Variants in ANPEP observed in about 807,000 individuals in gnomAD.
ANPEP encodes the protein alanyl aminopeptidase, membrane.
ANPEP carries 70 observed loss-of-function variants against 114.6 expected under a neutral mutation model. That is an observed-to-expected ratio of 0.61 (90% CI 0.50 to 0.75). The LOEUF (loss-of-function observed/expected upper bound fraction) is 0.75, where lower values mean the gene tolerates loss of function less well. ANPEP is among the 30% of genes least tolerant of loss of function. The pLI is 0.00. For synonymous variants in ANPEP, 548 were observed against 522.3 expected (o/e 1.05, Z -0.67); for missense variants, 1,184 against 1,259.5 (o/e 0.94, Z 0.91).
intron 10 of ANPEP, among the ~76,000 whole-genome samples, chr15:89,802,984 G>A (rs1477989610): frequency 2.6e-5 from 4 of 152,186 alleles, no homozygotes; most frequent in East Asian, 1.9e-4. Flanking sequence ...GGGCTCTACA[G>A]CTCCCATCAA....
intron 15 of ANPEP, 118 bp from the exon 16 acceptor site, chr15:89,793,244 A>G: frequency 1.3e-6 from 1 of 797,520 alleles, no homozygotes; most frequent in Admixed American, 2.3e-5. Flanking sequence ...TCAGGGCCTC[A>G]CCTGAGGCCA....
rs781512897 is a variant in ANPEP, at chr15:89,793,055, G to A, written c.2229C>T (p.Ile743=). The A allele has an allele frequency of 2.7e-5, 43 of 1,614,150 alleles. No individual in the cohort carries two copies. The Middle Eastern group carries it at 9.9e-4, about 37-fold the overall frequency. ...FRNNTNNWRE[I]PENLMDQYSE... Reference sequence around the variant, plus strand: ...CTCACTGGTCCATCAGGTTTTCTGGGATCTCCCTCCAGTTGTTGGTATTAT... The same window carrying A: ...CTCACTGGTCCATCAGGTTTTCTGGAATCTCCCTCCAGTTGTTGGTATTAT... The change falls in exon 16 of 21, where the codon ATC becomes ATT. Residue 743 remains isoleucine (I), a synonymous_variant. Coordinates refer to ENST00000300060, the MANE Select transcript of ANPEP (RefSeq NM_001150.3).
At position 89,797,584 on chromosome 15, in the gene ANPEP, G is replaced by A. The variant is rs1968753421; in HGVS notation, c.2148C>T (p.Gly716=). The change falls in exon 15 of 21, where the codon GGC becomes GGT. Residue 716 remains glycine, a synonymous_variant. Transcript: ENST00000300060. ...CCATGCACCTCCGTACCTTCATGGG[G>A]CCATAGACCTCGGAGCGGTCAAACA... ...KLMFDRSEVY[G]PMKNYLKKQV... 1 of 1,613,698 alleles carries A rather than the reference G, an allele frequency of 6.2e-7. No homozygotes were observed.
intron 15 of ANPEP, 29 bp from the exon 16 acceptor site, chr15:89,793,155 A>G: frequency 6.3e-7 from 1 of 1,581,960 alleles, no homozygotes; most frequent in African/African-American, 1.3e-5. Flanking sequence ...GAATCTCATC[A>G]AAGACTCATG....
chr15:89,788,772 T>C (rs1406934697), intron 20 of ANPEP, among the ~76,000 whole-genome samples: 4 of 147,114 alleles, frequency 2.7e-5, no homozygotes, highest in African/African-American at 1.0e-4. Flanking sequence ...AGCTTATTTA[T>C]TTATTTATTT....
At chr15:89,785,608 A>C in intron 20 of ANPEP, 107 bp from the exon 21 acceptor site, 2 of 1,479,504 alleles carry the variant, frequency 1.4e-6, no homozygotes, top group South Asian at 2.5e-5. Flanking sequence ...GTCCCCATGG[A>C]TGGGACCACA....
intron 1 of ANPEP, among the ~76,000 whole-genome samples, chr15:89,812,212 G>A (rs943239299): frequency 1.3e-5 from 2 of 152,340 alleles, no homozygotes; most frequent in East Asian, 3.9e-4. Flanking sequence ...CTCCATCCCC[G>A]ACCACTGGGT....
intron 12 of ANPEP, 53 bp downstream of exon 12, chr15:89,801,058 G>A: frequency 6.5e-7 from 1 of 1,527,384 alleles, no homozygotes; most frequent in Non-Finnish European, 9.1e-7. Context: ...ACATGGGCCA[G>A]GAGCTAGGAG....
At chr15:89,813,805 G>C (rs951236556) in intron 1 of ANPEP, among the ~76,000 whole-genome samples, 14 of 152,210 alleles carry the variant, frequency 9.2e-5, no homozygotes, top group Admixed American at 2.0e-4. Context: ...AGTAAGGCCA[G>C]GGCGTTTAGA....
intron 4 of ANPEP, 194 bp from the exon 5 acceptor site, chr15:89,804,811 G>T: frequency 1.2e-6 from 1 of 866,050 alleles, no homozygotes; most frequent in Non-Finnish European, 1.7e-6. Flanking sequence ...CTAGAGAAGG[G>T]CCTTTGGAGA....
chr15:89,792,680 T>C lies in ANPEP; in HGVS notation c.2250-118A>G, dbSNP rs1968655178. The C allele has an allele frequency of 3.5e-6, 3 of 868,870 alleles. No individual in the cohort carries two copies. In the Admixed American group the frequency reaches 6.3e-5, roughly 18 times the overall value. The allele number at this position is 868,870 out of a possible 1,614,324, so 53.8% of individuals were successfully genotyped here. On this transcript the variant is annotated intron_variant, in intron 16 of 20. Coordinates refer to ENST00000300060, the MANE Select transcript of ANPEP (RefSeq NM_001150.3). ...AGGCTCTGTGGCCTAACTGGCCCTC[T>C]GACCCCCGCTGTATGTGCTTTGTGC...
chr15:89,799,173 A>G lies in ANPEP; in HGVS notation c.2009+87T>C. The stretch of plus-strand genomic sequence containing the variant: ...ACAGCACGTGGCATATGGGAAGGGC[A>G]GCAGGAGGAGCAGGGGCCCTCATTG... On this transcript the variant is annotated intron_variant, in intron 14 of 20. Coordinates refer to ENST00000300060, the MANE Select transcript of ANPEP (RefSeq NM_001150.3). This position sits in a 1 kb window ranked among gnomAD's most constrained non-coding sequence, Gnocchi z 4.2. 1 of 1,495,134 alleles carries G rather than the reference A, an allele frequency of 6.7e-7. No homozygotes were observed. Among genetic ancestry groups the G allele is most frequent in the Non-Finnish European group, 9.3e-7 (1 of 1,075,676 alleles). 92.6% of individuals were successfully genotyped at this position (1,495,134 alleles called of 1,614,324 possible). A position where few individuals can be genotyped will look rare whatever the true frequency, so the allele number is the denominator to read the frequency against.
rs781733489 is a variant in ANPEP at position 89,803,504 on chromosome 15, C to A, written c.1441G>T (p.Ala481Ser). 2 of 1,606,970 alleles carry A rather than the reference C, an allele frequency of 1.2e-6. No homozygotes were observed. The highest frequency in any genetic ancestry group is 1.7e-6 in the Non-Finnish European group (2 of 1,178,262). The stretch of plus-strand genomic sequence containing the variant: ...CTGGAGAGCATCCTGAGGACTGAGG[C>A]GCCCTGGGGTGGGGGTGAGGGGGCG... ...LFDAISYSKG[A>S]SVLRMLSSFL... The change falls in exon 9 of 21, where the codon GCC (alanine) becomes TCC (serine). Residue 481 changes from alanine to serine, a missense_variant. Physicochemically the swap from Ala to Ser is moderately conservative, Grantham distance 99. Transcript: ENST00000300060. This position sits in a 1 kb window ranked among gnomAD's most constrained non-coding sequence, Gnocchi z 4.2.
intron 15 of ANPEP, among the ~76,000 whole-genome samples, chr15:89,795,747 T>A (rs1051531084): frequency 6.6e-6 from 1 of 152,206 alleles, no homozygotes; most frequent in African/African-American, 2.4e-5. Flanking sequence ...AAAAGTCACC[T>A]CTCATGAACC....
intron 15 of ANPEP, among the ~76,000 whole-genome samples, chr15:89,796,393 G>A (rs1286226444): frequency 6.6e-6 from 1 of 152,216 alleles, no homozygotes; most frequent in African/African-American, 2.4e-5. Flanking sequence ...ACATTAGGAG[G>A]ATGGGGAATG....
Position 89,785,321 on chromosome 15 carries a change from G to T in ANPEP, c.*28C>A, listed in dbSNP as rs370717981. 1 of 1,612,706 alleles carries T rather than the reference G, an allele frequency of 6.2e-7. No individual in the cohort carries two copies. Among genetic ancestry groups the T allele is most frequent in the African/African-American group, 1.3e-5 (1 of 74,316 alleles). ...TGGACACATGTGGGCACCTTGCATG[G>T]GGGCCGGGTGACTTCAAGGGCTGGG... On this transcript the variant is annotated 3_prime_UTR_variant, in exon 21 of 21. Coordinates refer to ENST00000300060, the MANE Select transcript of ANPEP (RefSeq NM_001150.3).
At chr15:89,800,752 G>A (rs1268956846) in intron 12 of ANPEP, among the ~76,000 whole-genome samples, 1 of 151,900 alleles carries the variant, frequency 6.6e-6, no homozygotes, top group African/African-American at 2.4e-5. Flanking sequence ...GTAGAAATGG[G>A]GTTTCTCCAT....
rs769165548 is a variant in ANPEP at position 89,797,623 on chromosome 15, G to A, written c.2109C>T (p.Ser703=). ...AGCGGTCAAACATGAGCTTGAAGTA[G>A]CTCAGGCTGCTCAGGGCGGCCTCCC... ...MPWEAALSSL[S]YFKLMFDRSE... is the part of the protein sequence containing the mutation. Residue 703 remains serine (S), a synonymous_variant, in exon 15 of 21, where the codon AGC becomes AGT. Transcript: ENST00000300060. The A allele has an allele frequency of 3.3e-5, 53 of 1,614,056 alleles. No individual in the cohort carries two copies. Among genetic ancestry groups the A allele is most frequent in the Non-Finnish European group, 4.4e-5 (52 of 1,180,030 alleles).
rs758370392 is a variant in ANPEP, at chr15:89,799,805, C to T, written c.1820-246G>A. Among the ~76,000 whole-genome samples the T allele has an allele frequency of 6.6e-5, 10 of 152,204 alleles. No homozygotes were observed. The highest frequency in any genetic ancestry group is 1.4e-4 in the African/African-American group (6 of 41,448). ...CTGCCCTGCCTCCCTAGGCTCTGCACGGCCAGGCCAGCTGCCAGGCCGCTC... is the reference window on the plus strand; with the variant it reads ...CTGCCCTGCCTCCCTAGGCTCTGCATGGCCAGGCCAGCTGCCAGGCCGCTC... On this transcript the variant is annotated intron_variant, in intron 12 of 20. Coordinates refer to ENST00000300060, the MANE Select transcript of ANPEP (RefSeq NM_001150.3). This position sits in a 1 kb window ranked among gnomAD's most constrained non-coding sequence, Gnocchi z 4.2.
Sources: allele counts gnomAD v4.1 joint callset (sites outside exome capture counted in the v4.1 genomes callset), GRCh38; gene constraint gnomAD v4.1.1; non-coding constraint Gnocchi (gnomAD v3.1); transcripts MANE v1.5; gene names NCBI Gene and HGNC (gene_info 2026-07-23, HGNC 2026-07-21).